NCAM1: variants seen among roughly 807,000 people sequenced by gnomAD.
The protein encoded by NCAM1 is neural cell adhesion molecule 1, also known as antigen recognized by monoclonal antibody 5.1H11.
In NCAM1, 14 loss-of-function variants were observed where a neutral mutation model predicts 109.8. That is an observed-to-expected ratio of 0.13 (90% CI 0.08 to 0.20). The LOEUF (loss-of-function observed/expected upper bound fraction) is 0.20. NCAM1 is among the 10% of genes least tolerant of loss of function. The probability of loss-of-function intolerance (pLI) is 1.00; values close to 1 mark genes in which losing one functional copy is unlikely to be tolerated. For synonymous variants in NCAM1, 418 were observed against 442.9 expected (o/e 0.94, Z 0.70); for missense variants, 774 against 1,109.9 (o/e 0.70, Z 4.30).
chr11:113,135,319 A>G lies in NCAM1; in HGVS notation c.53-67060A>G, dbSNP rs149732470. On this transcript the variant is annotated intron_variant, in intron 1 of 19. Coordinates refer to ENST00000316851, the MANE Select transcript of NCAM1 (RefSeq NM_181351.5). ...AAATGTCATCTGTAAAAAAGCATCA[A>G]GAATGTGCTTCTTAAGTGGTAATAT... Among the ~76,000 whole-genome samples the G allele has an allele frequency of 2.6e-5, 4 of 152,354 alleles. No homozygotes were observed. The East Asian group carries it at 7.7e-4, about 29-fold the overall frequency.
intron 2 of NCAM1, 87 bp from the exon 3 acceptor site, chr11:113,204,199 C>G: frequency 9.1e-7 from 1 of 1,100,884 alleles, no homozygotes. Context: ...TGTTCAGTAA[C>G]TCTTACTGAT....
In NCAM1 at chr11:113,260,139, C is replaced by A. The variant is rs1555123024; in HGVS notation, c.1954-7C>A. On this transcript the variant is annotated splice_region_variant and splice_polypyrimidine_tract_variant and intron_variant, in intron 16 of 19. Transcript: ENST00000316851. Reference sequence around the variant, plus strand: ...CTTGTATCCTTCTTGCCGGTTTCTCCCAGAAGCTCTCCTCCGAGTGGAAAC... The same window carrying A: ...CTTGTATCCTTCTTGCCGGTTTCTCACAGAAGCTCTCCTCCGAGTGGAAAC... 2.5e-6 allele frequency: 4 copies of A among 1,606,146 alleles called. No homozygotes were observed. The South Asian group carries it at 4.5e-5, about 18-fold the overall frequency.
chr11:113,148,844 G>A (rs532226657), intron 1 of NCAM1, among the ~76,000 whole-genome samples: 2 of 152,088 alleles, frequency 1.3e-5, no homozygotes, highest in Non-Finnish European at 2.9e-5. Context: ...CCTCTGCTGC[G>A]CTGCTTCTCT....
At chr11:112,992,798 C>T (rs1198684492) in intron 1 of NCAM1, among the ~76,000 whole-genome samples, 9 of 152,118 alleles carry the variant, frequency 5.9e-5, no homozygotes, top group African/African-American at 2.2e-4. Flanking sequence ...TGAGCCACCG[C>T]ACCCGGCCTG....
rs1460254379 is a variant in NCAM1 at position 112,963,111 on chromosome 11, G to T, written c.52+1447G>T. On this transcript the variant is annotated intron_variant, in intron 1 of 19. Coordinates refer to ENST00000316851, the MANE Select transcript of NCAM1 (RefSeq NM_181351.5). This position sits in a 1 kb window ranked among gnomAD's most constrained non-coding sequence, Gnocchi z 4.6. ...GACCAATCAGTGCGAAGCTGGCTGGGCGGGAAGCCGCGAGAGGCTTTTATT... is the reference window on the plus strand; with the variant it reads ...GACCAATCAGTGCGAAGCTGGCTGGTCGGGAAGCCGCGAGAGGCTTTTATT... The T allele has an allele frequency of 6.6e-6, 1 of 152,468 alleles. No homozygotes were observed. The highest frequency in any genetic ancestry group is 1.5e-5 in the Non-Finnish European group (1 of 68,284). 9.4% of individuals were successfully genotyped at this position (152,468 alleles called of 1,614,324 possible).
At chr11:113,068,392 G>T (rs947478470) in intron 1 of NCAM1, among the ~76,000 whole-genome samples, 2 of 152,098 alleles carry the variant, frequency 1.3e-5, no homozygotes, top group Non-Finnish European at 2.9e-5. Flanking sequence ...TGACCATAAG[G>T]TTCTTATGAA....
chr11:112,966,117 G>A (rs544180432), intron 1 of NCAM1, among the ~76,000 whole-genome samples: 1 of 152,288 alleles, frequency 6.6e-6, no homozygotes, highest in African/African-American at 2.4e-5. Flanking sequence ...ATAACATATA[G>A]ACTAAGGAAT....
intron 1 of NCAM1, among the ~76,000 whole-genome samples, chr11:113,086,351 C>G (rs1265846810): frequency 6.6e-6 from 1 of 152,168 alleles, no homozygotes; most frequent in Admixed American, 6.5e-5. Flanking sequence ...GGTGAATGCT[C>G]TAAAAGACCC....
chr11:113,173,014 G>A (rs1228824280), intron 1 of NCAM1, among the ~76,000 whole-genome samples: 1 of 152,054 alleles, frequency 6.6e-6, no homozygotes, highest in African/African-American at 2.4e-5. Flanking sequence ...CTCCACACAG[G>A]GTCTACTGAG....
intron 1 of NCAM1, among the ~76,000 whole-genome samples, chr11:113,063,539 G>A (rs954839873): frequency 3.9e-5 from 6 of 152,188 alleles, no homozygotes; most frequent in African/African-American, 1.4e-4. Flanking sequence ...GTTCTGCTGA[G>A]TTCTTCAGAT....
In NCAM1 at chr11:113,138,218, G is replaced by A. The variant is rs183571534; in HGVS notation, c.53-64161G>A. On this transcript the variant is annotated intron_variant, in intron 1 of 19. Transcript: ENST00000316851. ...CTTTCCCCAAATTGATTAATTTCTC[G>A]ACGTGCTGGCAGGTTTTTCCATGGA... Among the ~76,000 whole-genome samples, 40 of 152,254 alleles carry A rather than the reference G, an allele frequency of 2.6e-4. No individual in the cohort carries two copies. The South Asian group carries it at 5.4e-3, about 21-fold the overall frequency.
At chr11:112,980,735 A>G (rs1290784568) in intron 1 of NCAM1, among the ~76,000 whole-genome samples, 3 of 151,858 alleles carry the variant, frequency 2.0e-5, no homozygotes, top group African/African-American at 7.2e-5. Flanking sequence ...ATTATACCCA[A>G]TATGTAGTCT....
At chr11:113,189,279 G>C (rs1272970031) in intron 1 of NCAM1, among the ~76,000 whole-genome samples, 1 of 151,720 alleles carries the variant, frequency 6.6e-6, no homozygotes, top group African/African-American at 2.4e-5. Flanking sequence ...GTGAAACCCC[G>C]TCTGTACTAA....
intron 15 of NCAM1, among the ~76,000 whole-genome samples, chr11:113,247,250 T>C (rs1197059019): frequency 7.9e-5 from 12 of 152,214 alleles, no homozygotes; most frequent in Non-Finnish European, 1.5e-4. Context: ...ACCTGCCCTT[T>C]GAGTCATATG....
At position 113,058,050 on chromosome 11, in the gene NCAM1, C is replaced by T. The variant is rs549791670; in HGVS notation, c.52+96386C>T. ...CTGTAATTCCAGCACTTTGGGAGGC[C>T]GAGGTGGGCGTATTATGAGGCCACG... On this transcript the variant is annotated intron_variant, in intron 1 of 19. Transcript: ENST00000316851. Among the ~76,000 whole-genome samples the T allele has an allele frequency of 5.3e-5, 8 of 152,040 alleles. No homozygotes were observed. The East Asian group carries it at 7.8e-4, about 15-fold the overall frequency.
chr11:113,064,550 T>C (rs890762807), intron 1 of NCAM1, among the ~76,000 whole-genome samples: 4 of 152,256 alleles, frequency 2.6e-5, no homozygotes, highest in Non-Finnish European at 5.9e-5. Flanking sequence ...TATTGCATGT[T>C]AGATTCTGTT....
chr11:113,244,666 T>C (rs1217631103), intron 14 of NCAM1, among the ~76,000 whole-genome samples: 5 of 147,246 alleles, frequency 3.4e-5, no homozygotes, highest in African/African-American at 1.2e-4. Context: ...TGTGTGTGTG[T>C]GTGTGTGTGT....
intron 1 of NCAM1, among the ~76,000 whole-genome samples, chr11:113,039,149 G>A (rs10891493): frequency 0.18 from 27,997 of 152,136 alleles, 2,826 homozygotes; most frequent in East Asian, 0.27. Context: ...CAGAATATGT[G>A]TGAATCTGCA....
intron 1 of NCAM1, among the ~76,000 whole-genome samples, chr11:113,150,812 A>G (rs1555102343): frequency 6.6e-6 from 1 of 152,160 alleles, no homozygotes; most frequent in Non-Finnish European, 1.5e-5. Flanking sequence ...GAAGAGTTTG[A>G]GTGGATTCAG....
Sources: gnomAD v4.1 joint callset for allele counts (sites outside exome capture counted in the v4.1 genomes callset) on GRCh38, gnomAD v4.1.1 for gene constraint, Gnocchi (gnomAD v3.1) non-coding constraint, MANE v1.5 for transcripts, NCBI Gene and HGNC (gene_info 2026-07-23, HGNC 2026-07-21) for gene names.